Variants in COLGALT1 observed in about 807,000 individuals in gnomAD.
COLGALT1 encodes the protein collagen beta(1-O)galactosyltransferase 1.
Under a neutral mutation model 60.8 loss-of-function variants are expected in COLGALT1, and 43 were observed. That is an observed-to-expected ratio of 0.71 (90% CI 0.55 to 0.91). The LOEUF (loss-of-function observed/expected upper bound fraction) is 0.91, where lower values mean the gene tolerates loss of function less well. Ranked by LOEUF, COLGALT1 falls within the 40% of genes least tolerant of loss-of-function variation. The pLI is 0.00. For synonymous variants in COLGALT1, 369 were observed against 374.2 expected (o/e 0.99, Z 0.16); for missense variants, 845 against 880.0 (o/e 0.96, Z 0.50).
chr19:17,564,043 C>T (rs2076265051), intron 3 of COLGALT1, among the ~76,000 whole-genome samples: 1 of 141,074 alleles, frequency 7.1e-6, no homozygotes, highest in South Asian at 2.3e-4. Context: ...CAAAACCAGC[C>T]TGGGCAACAT....
At chr19:17,560,211 CT>C in intron 2 of COLGALT1, 136 bp from the exon 3 acceptor site, 1 of 584,182 alleles carries the variant, frequency 1.7e-6, no homozygotes, top group Non-Finnish European at 3.0e-6. Context: ...TCGTCGTTTA[CT>C]TTTTCCCATC....
At chr19:17,581,014 C>T in intron 11 of COLGALT1, 109 bp downstream of exon 11, 1 of 1,439,062 alleles carries the variant, frequency 6.9e-7, no homozygotes, top group Non-Finnish European at 9.6e-7. Flanking sequence ...CTTTTGCCTA[C>T]TTCTCCCTCC....
Position 17,581,414 on chromosome 19 carries a change from A to G in COLGALT1, c.1839A>G (p.Pro613=), listed in dbSNP as rs376592002. 9.7e-5 allele frequency: 156 copies of G among 1,610,868 alleles called. No homozygotes were observed. Among genetic ancestry groups the G allele is most frequent in the Non-Finnish European group, 9.5e-5 (112 of 1,179,902 alleles). Residue 613 remains proline (P), a synonymous_variant, in exon 12 of 12, where the codon CCA becomes CCG. Coordinates refer to ENST00000252599, the MANE Select transcript of COLGALT1 (RefSeq NM_024656.4). ...EAKNSDVLQS[P]LDSAARDEL Reference sequence around the variant, plus strand: ...AGAACTCGGACGTGCTCCAGTCCCCACTGGACAGTGCTGCCCGGGATGAAC... The same window carrying G: ...AGAACTCGGACGTGCTCCAGTCCCCGCTGGACAGTGCTGCCCGGGATGAAC...
chr19:17,582,027 G>GCGA lies in COLGALT1; in HGVS notation c.*584_*585insGAC. 1 of 154,832 alleles carries GCGA rather than the reference G, an allele frequency of 6.5e-6. No individual in the cohort carries two copies. The highest frequency in any genetic ancestry group is 1.4e-5 in the Non-Finnish European group (1 of 69,712). 9.6% of individuals were successfully genotyped at this position (154,832 alleles called of 1,614,324 possible). On this transcript the variant is annotated 3_prime_UTR_variant, in exon 12 of 12. Coordinates refer to ENST00000252599, the MANE Select transcript of COLGALT1 (RefSeq NM_024656.4). The stretch of plus-strand genomic sequence containing the variant: ...AGCGTCCAGCAATTCTTGTTTCTCG[G>GCGA]CCTCCCAAGTAGCTGGGACTATAGG...
At position 17,581,805 on chromosome 19, in the gene COLGALT1, A is replaced by T; in HGVS notation, c.*361A>T. The T allele has an allele frequency of 3.4e-6, 1 of 295,168 alleles. No homozygotes were observed. Among genetic ancestry groups the T allele is most frequent in the Non-Finnish European group, 6.4e-6 (1 of 155,464 alleles). 18.3% of individuals were successfully genotyped at this position (295,168 alleles called of 1,614,324 possible). On this transcript the variant is annotated 3_prime_UTR_variant, in exon 12 of 12. Coordinates refer to ENST00000252599, the MANE Select transcript of COLGALT1 (RefSeq NM_024656.4). ...TGATTCAGTCATCAAGCAGTTACTG[A>T]TCAGATTAAGAATCAGGCACTAGTG...
In COLGALT1 at chr19:17,582,876, C is replaced by G. The variant is rs988460054; in HGVS notation, c.*1432C>G. The G allele has an allele frequency of 6.6e-6, 1 of 152,488 alleles. No individual in the cohort carries two copies. The highest frequency in any genetic ancestry group is 1.5e-5 in the Non-Finnish European group (1 of 68,234). 9.4% of individuals were successfully genotyped at this position (152,488 alleles called of 1,614,324 possible). ...GGTGTCCCTGGCCCACTCCCGGTCC[C>G]CTGTGCTTTACCTCCTTGCCCTTGT... On this transcript the variant is annotated 3_prime_UTR_variant, in exon 12 of 12. Coordinates refer to ENST00000252599, the MANE Select transcript of COLGALT1 (RefSeq NM_024656.4).
chr19:17,575,445 C>T (rs1316433589), intron 6 of COLGALT1, among the ~76,000 whole-genome samples: 1 of 152,134 alleles, frequency 6.6e-6, no homozygotes, highest in Non-Finnish European at 1.5e-5. Flanking sequence ...TGGGGTTTCA[C>T]TGTGTTAACC....
intron 2 of COLGALT1, 126 bp from the exon 3 acceptor site, chr19:17,560,222 C>T (rs2076239946): frequency 3.2e-6 from 2 of 631,602 alleles, no homozygotes; most frequent in South Asian, 1.8e-5. Flanking sequence ...TTTTTCCCAT[C>T]CCTCAGATCA....
chr19:17,571,441 C>T (rs764085701), intron 5 of COLGALT1, among the ~76,000 whole-genome samples: 4 of 151,296 alleles, frequency 2.6e-5, no homozygotes, highest in African/African-American at 7.3e-5. Context: ...AAAAGAGCAT[C>T]ATTGAGTTTT....
chr19:17,564,113 T>C (rs986152799), intron 3 of COLGALT1, among the ~76,000 whole-genome samples: 1 of 151,128 alleles, frequency 6.6e-6, no homozygotes, highest in Non-Finnish European at 1.5e-5. Context: ...CCAGGTGTAC[T>C]GGTTTGTGTC....
At position 17,581,391 on chromosome 19, in the gene COLGALT1, A is replaced by G; in HGVS notation, c.1816A>G (p.Asn606Asp). ...EQQALSREAKNSDVLQSPLDS... is the reference protein window; with the variant it reads ...EQQALSREAKDSDVLQSPLDS... ...GCAGGCACTGAGCCGTGAGGCCAAG[A>G]ACTCGGACGTGCTCCAGTCCCCACT... is the stretch of plus-strand genomic sequence containing the variant. The change falls in exon 12 of 12, where the codon AAC becomes GAC. Residue 606 changes from asparagine (N) to aspartate (D), a missense_variant. Physicochemically the swap from Asn to Asp is conservative, Grantham distance 23 (BLOSUM62 1). Coordinates refer to ENST00000252599, the MANE Select transcript of COLGALT1 (RefSeq NM_024656.4). 1 of 1,612,498 alleles carries G rather than the reference A, an allele frequency of 6.2e-7. No homozygotes were observed. Among genetic ancestry groups the G allele is most frequent in the Non-Finnish European group, 8.5e-7 (1 of 1,179,952 alleles).
intron 6 of COLGALT1, among the ~76,000 whole-genome samples, chr19:17,573,522 C>A (rs564721545): frequency 1.1e-4 from 17 of 151,330 alleles, no homozygotes; most frequent in African/African-American, 4.1e-4. Context: ...AGTGAAACTC[C>A]GTCTCAAAAA....
chr19:17,570,294 C>A (rs1416616705), intron 5 of COLGALT1, among the ~76,000 whole-genome samples: 1 of 152,128 alleles, frequency 6.6e-6, no homozygotes, highest in East Asian at 1.9e-4. Context: ...GCCTGGAGTG[C>A]AGTGGTGTGA....
intron 1 of COLGALT1, among the ~76,000 whole-genome samples, chr19:17,559,052 T>C (rs936257943): frequency 6.6e-6 from 1 of 151,966 alleles, no homozygotes; most frequent in African/African-American, 2.4e-5. Context: ...TCCCAGCTAC[T>C]TGGGAGGCTG....
chr19:17,556,068 CCTCTT>C (rs1350806796), intron 1 of COLGALT1, 95 bp downstream of exon 1: 1 of 1,221,014 alleles, frequency 8.2e-7, no homozygotes, highest in African/African-American at 1.6e-5. Context: ...TGCCCGCTGT[CCTCTT>C]CTGGGCGGGT....
Position 17,568,703 on chromosome 19 carries a change from C to T in COLGALT1, c.819C>T (p.Cys273=). ...ACATCATCGTCTTTGCCTTCTCCTG[C>T]AAGCAGGCAGGTACGTACATGAGGG... The part of the protein sequence containing the change: ...FDDIIVFAFS[C]KQAEVQMYVC... Residue 273 remains cysteine (C), a synonymous_variant, in exon 5 of 12, where the codon TGC becomes TGT. Coordinates refer to ENST00000252599, the MANE Select transcript of COLGALT1 (RefSeq NM_024656.4). 1.2e-6 allele frequency: 2 copies of T among 1,614,166 alleles called. No individual in the cohort carries two copies. The highest frequency in any genetic ancestry group is 1.7e-6 in the Non-Finnish European group (2 of 1,180,022).
intron 6 of COLGALT1, among the ~76,000 whole-genome samples, chr19:17,573,538 AT>A (rs902081311): frequency 1.3e-5 from 2 of 151,018 alleles, no homozygotes; most frequent in Non-Finnish European, 3.0e-5. Context: ...AAAAAAAAAA[AT>A]TTTTTTTTAA....
chr19:17,560,801 C>T (rs1235112318), intron 3 of COLGALT1, among the ~76,000 whole-genome samples: 2 of 151,806 alleles, frequency 1.3e-5, no homozygotes, highest in African/African-American at 2.4e-5. Context: ...GCCGCAATAT[C>T]GGCTCACTGC....
At position 17,568,677 on chromosome 19, in the gene COLGALT1, G is replaced by T; in HGVS notation, c.793G>T (p.Asp265Tyr). ...CCCTGACTACACCTGGTCCTTTGAC[G>T]ACATCATCGTCTTTGCCTTCTCCTG... ...PHPDYTWSFDDIIVFAFSCKQ... is the reference protein window; with the variant it reads ...PHPDYTWSFDYIIVFAFSCKQ... Residue 265 changes from aspartate to tyrosine, a missense_variant, in exon 5 of 12, where the codon GAC becomes TAC. By Grantham distance (160) the Asp-to-Tyr change is radical (BLOSUM62 -3). Transcript: ENST00000252599. 1 of 1,614,170 alleles carries T rather than the reference G, an allele frequency of 6.2e-7. No homozygotes were observed. The highest frequency in any genetic ancestry group is 1.1e-5 in the South Asian group (1 of 91,074).
Sources: allele counts gnomAD v4.1 joint callset (sites outside exome capture counted in the v4.1 genomes callset), GRCh38; gene constraint gnomAD v4.1.1; transcripts MANE v1.5; gene names NCBI Gene and HGNC (gene_info 2026-07-23, HGNC 2026-07-21).